Variants in TRAF3IP2 observed in about 807,000 individuals in gnomAD.
TRAF3IP2 encodes E3 ubiquitin ligase TRAF3IP2.
Under a neutral mutation model 57.9 loss-of-function variants are expected in TRAF3IP2, and 35 were observed. The observed-to-expected ratio is 0.60, with a 90% confidence interval of 0.46 to 0.80. The LOEUF is 0.80. Ranked by LOEUF, TRAF3IP2 falls within the 30% of genes least tolerant of loss-of-function variation. The pLI is 0.00. For synonymous variants in TRAF3IP2, 251 were observed against 268.9 expected, an observed-to-expected ratio of 0.93 and a Z score of 0.65; for missense variants, 556 against 706.4, an observed-to-expected ratio of 0.79 and a Z score of 2.41.
chr6:111,567,219 G>GGGGGT (rs1795680045), intron 6 of TRAF3IP2: 1 of 1,005,436 alleles, frequency 9.9e-7, no homozygotes, highest in Admixed American at 5.6e-5. Flanking sequence ...TGGGCACCTC[G>GGGGGT]GGGGTGGTGT....
At chr6:111,561,948 T>A (rs1423764091) in intron 8 of TRAF3IP2, among the ~76,000 whole-genome samples, 1 of 152,194 alleles carries the variant, frequency 6.6e-6, no homozygotes, top group Non-Finnish European at 1.5e-5. Flanking sequence ...TCGCACAGGC[T>A]GTGCACCATA....
rs1022432047 is a variant in TRAF3IP2, at chr6:111,575,734, G to A, written c.1110C>T (p.Pro370=). The A allele has an allele frequency of 3.1e-6, 5 of 1,612,442 alleles. No individual in the cohort carries two copies. The African/African-American group carries it at 5.3e-5, about 17-fold the overall frequency. Residue 370 remains proline, a synonymous_variant, in exon 4 of 9, where the codon CCC becomes CCT. Transcript: ENST00000368761. ...ECPAELRPQV[P]QPPSPAAVPR... is the part of the protein sequence containing the mutation. ...GCACAGCAGCTGGGGACGGAGGCTG[G>A]GGAACCTGTGGTCTCAGCTCTGCAG...
At position 111,560,249 on chromosome 6, in the gene TRAF3IP2, G is replaced by A. The variant is rs535041509; in HGVS notation, c.1552-698C>T. Among the ~76,000 whole-genome samples, 27 of 152,334 alleles carry A rather than the reference G, an allele frequency of 1.8e-4. No homozygotes were observed. In the South Asian group the frequency reaches 5.2e-3, roughly 29 times the overall value. On this transcript the variant is annotated intron_variant, in intron 8 of 8. Transcript: ENST00000368761. ...TGAGAAAATGAGCAAAGACCTAAAA[G>A]AGTGGAAGAAGCAAGCTCTGTGGTT...
At chr6:111,586,724 G>C (rs1796348996) in intron 2 of TRAF3IP2, among the ~76,000 whole-genome samples, 1 of 152,078 alleles carries the variant, frequency 6.6e-6, no homozygotes, top group Non-Finnish European at 1.5e-5. Flanking sequence ...GCATCCCTTA[G>C]GTGAACAGCT....
At chr6:111,598,151 C>A (rs539431898) in intron 1 of TRAF3IP2, 3 of 258,250 alleles carry the variant, frequency 1.2e-5, no homozygotes, top group African/African-American at 6.7e-5. Flanking sequence ...CCAGGCCCCA[C>A]ACCCAGGGCC....
At chr6:111,579,211 G>A (rs1318845627) in intron 3 of TRAF3IP2, among the ~76,000 whole-genome samples, 1 of 150,282 alleles carries the variant, frequency 6.7e-6, no homozygotes, top group Non-Finnish European at 1.5e-5. Flanking sequence ...CAGCTACCCA[G>A]GAGGCTAAGG....
At position 111,591,861 on chromosome 6, in the gene TRAF3IP2, C is replaced by G. The variant is rs772950271; in HGVS notation, c.226G>C (p.Val76Leu). The change falls in exon 2 of 9, where the codon GTA becomes CTA. Residue 76 changes from valine (V) to leucine (L), a missense_variant. Transcript: ENST00000368761. This position sits in a 1 kb window ranked among gnomAD's most constrained non-coding sequence, Gnocchi z 4.9. ...CGCAGGCAGGTGACCTGCCGGGATA[C>G]AGGCCGCTGGTGATTTGCAAGTTTC... ...TLKLANHQRP[V>L]SRQVTCLRTQ... 10 of 1,614,112 alleles carry G rather than the reference C, an allele frequency of 6.2e-6. No homozygotes were observed. The highest frequency in any genetic ancestry group is 3.3e-4 in the Middle Eastern group (2 of 6,084).
intron 7 of TRAF3IP2, 36 bp from the exon 8 acceptor site, chr6:111,563,075 A>T: frequency 6.6e-7 from 1 of 1,517,252 alleles, no homozygotes; most frequent in Non-Finnish European, 9.1e-7. Context: ...TAATTTCAGG[A>T]ATGAGGATGA....
At chr6:111,578,506 T>C (rs1796060906) in intron 3 of TRAF3IP2, among the ~76,000 whole-genome samples, 1 of 152,170 alleles carries the variant, frequency 6.6e-6, no homozygotes, top group Non-Finnish European at 1.5e-5. Context: ...CTGGGTGTGG[T>C]AGCGGGCGTC....
chr6:111,579,350 G>C (rs1288334371), intron 3 of TRAF3IP2, among the ~76,000 whole-genome samples: 1 of 143,364 alleles, frequency 7.0e-6, no homozygotes, highest in South Asian at 2.3e-4. Flanking sequence ...AGATTGAAGA[G>C]TTAGACAACT....
intron 1 of TRAF3IP2, among the ~76,000 whole-genome samples, chr6:111,595,999 C>T (rs1426984011): frequency 2.6e-5 from 4 of 152,044 alleles, no homozygotes; most frequent in African/African-American, 9.7e-5. Context: ...GCTTGTCGCT[C>T]CCTCTTCATG....
chr6:111,557,426 T>G lies in TRAF3IP2; in HGVS notation c.*1979A>C, dbSNP rs1045252306. 1.1e-4 allele frequency: 8 copies of G among 76,122 alleles called. No homozygotes were observed. Among genetic ancestry groups the G allele is most frequent in the African/African-American group, 6.9e-4 (7 of 10,170 alleles). The allele number at this position is 76,122 out of a possible 1,614,324, so 4.7% of individuals were successfully genotyped here. A position where few individuals can be genotyped will look rare whatever the true frequency, so the allele number is the denominator to read the frequency against. ...ATCAACCTGAGGGTATTGTTGAAGT[T>G]TTTTTTTTTTTTTTTTTTTTTGAGA... On this transcript the variant is annotated 3_prime_UTR_variant, in exon 9 of 9. Coordinates refer to ENST00000368761, the MANE Select transcript of TRAF3IP2 (RefSeq NM_147686.4).
At chr6:111,592,393 G>C (rs1009740968) in intron 1 of TRAF3IP2, among the ~76,000 whole-genome samples, 1 of 152,196 alleles carries the variant, frequency 6.6e-6, no homozygotes, top group Non-Finnish European at 1.5e-5. Flanking sequence ...CAAGTATTGA[G>C]GAAAGAGAAA....
At chr6:111,602,880 G>A (rs1044546146) in intron 1 of TRAF3IP2, among the ~76,000 whole-genome samples, 10 of 152,124 alleles carry the variant, frequency 6.6e-5, no homozygotes, top group Non-Finnish European at 1.3e-4. Flanking sequence ...GTGGGGTGCG[G>A]CCTGTGGGGT....
At chr6:111,581,998 T>C (rs1422883454) in intron 2 of TRAF3IP2, among the ~76,000 whole-genome samples, 3 of 152,112 alleles carry the variant, frequency 2.0e-5, no homozygotes, top group Admixed American at 2.0e-4. Context: ...AAAAGAACTG[T>C]ATTCTTAGCT....
At chr6:111,575,872 C>G (rs1241140200) in intron 3 of TRAF3IP2, 51 bp from the exon 4 acceptor site, 1 of 1,549,888 alleles carries the variant, frequency 6.5e-7, no homozygotes, top group East Asian at 2.3e-5. Context: ...AAAGGCAAAC[C>G]TTCAGGGACA....
Position 111,591,116 on chromosome 6 carries a change from G to T in TRAF3IP2, c.829+142C>A. ...GCCCTTTGCAAATCCAGCCACACAT[G>T]GAAAGCCCCTAAGAGAAGCAGAATG... On this transcript the variant is annotated intron_variant, in intron 2 of 8. Transcript: ENST00000368761. This position sits in a 1 kb window ranked among gnomAD's most constrained non-coding sequence, Gnocchi z 4.9. 3.5e-6 allele frequency: 2 copies of T among 566,450 alleles called. No individual in the cohort carries two copies. The highest frequency in any genetic ancestry group is 1.3e-4 in the South Asian group (2 of 15,620). The allele number at this position is 566,450 out of a possible 1,614,324, so 35.1% of individuals were successfully genotyped here.
chr6:111,591,190 T>G lies in TRAF3IP2; in HGVS notation c.829+68A>C. On this transcript the variant is annotated intron_variant, in intron 2 of 8. Coordinates refer to ENST00000368761, the MANE Select transcript of TRAF3IP2 (RefSeq NM_147686.4). The surrounding 1 kb of genome is among the most constrained non-coding windows in gnomAD (Gnocchi z 4.9). ...CATGCCAGCCTAGTGACACGAAGCATTGATGTGAGGCCCTTGTTTCTTCAG... is the reference window on the plus strand; with the variant it reads ...CATGCCAGCCTAGTGACACGAAGCAGTGATGTGAGGCCCTTGTTTCTTCAG... The G allele has an allele frequency of 7.2e-6, 9 of 1,251,520 alleles. No homozygotes were observed. Among genetic ancestry groups the G allele is most frequent in the Non-Finnish European group, 9.8e-6 (9 of 922,450 alleles). 77.5% of individuals were successfully genotyped at this position (1,251,520 alleles called of 1,614,324 possible).
At chr6:111,587,259 T>A (rs1384486206) in intron 2 of TRAF3IP2, 1 of 152,188 alleles carries the variant, frequency 6.6e-6, no homozygotes, top group African/African-American at 2.4e-5. Flanking sequence ...TCTATGTGTT[T>A]TTGTTTTTGT....
Sources: allele counts gnomAD v4.1 joint callset (sites outside exome capture counted in the v4.1 genomes callset), GRCh38; gene constraint gnomAD v4.1.1; non-coding constraint Gnocchi (gnomAD v3.1); transcripts MANE v1.5; gene names NCBI Gene and HGNC (gene_info 2026-07-23, HGNC 2026-07-21).